Variants in ROCK1 observed in about 807,000 individuals in gnomAD.
ROCK1 encodes the protein Rho associated coiled-coil containing protein kinase 1.
Under a neutral mutation model 196.8 loss-of-function variants are expected in ROCK1, and 36 were observed. The ratio of observed to expected loss-of-function variants is 0.18; its 90% CI spans 0.14 to 0.24. The LOEUF (loss-of-function observed/expected upper bound fraction) is 0.24, where lower values mean the gene tolerates loss of function less well. Among genes scored for constraint, ROCK1 ranks in the 10% least tolerant of loss-of-function variants. The probability of loss-of-function intolerance (pLI) is 1.00; values close to 1 mark genes in which losing one functional copy is unlikely to be tolerated. For synonymous variants in ROCK1, 443 were observed against 515.9 expected (o/e 0.86, Z 1.91); for missense variants, 920 against 1,562.0 (o/e 0.59, Z 6.93).
At chr18:21,098,814 T>C (rs1482477367) in intron 1 of ROCK1, among the ~76,000 whole-genome samples, 4 of 152,040 alleles carry the variant, frequency 2.6e-5, no homozygotes, top group East Asian at 1.9e-4. Context: ...ACCTTACTCA[T>C]GAGAAGAACA....
chr18:20,964,835 A>G (rs1445168975), intron 27 of ROCK1, among the ~76,000 whole-genome samples: 1 of 152,346 alleles, frequency 6.6e-6, no homozygotes, highest in East Asian at 1.9e-4. Flanking sequence ...CTGCCAATGA[A>G]GCCAGCTGAT....
intron 9 of ROCK1, among the ~76,000 whole-genome samples, chr18:21,033,284 C>A (rs547076918): frequency 9.2e-5 from 14 of 152,140 alleles, no homozygotes; most frequent in Non-Finnish European, 1.8e-4. Flanking sequence ...ACACAACACC[C>A]CTTCATGATT....
chr18:20,970,520 C>T lies in ROCK1; in HGVS notation c.2655-7G>A. 2 of 1,582,206 alleles carry T rather than the reference C, an allele frequency of 1.3e-6. No individual in the cohort carries two copies. Among genetic ancestry groups the T allele is most frequent in the Non-Finnish European group, 1.7e-6 (2 of 1,159,700 alleles). On this transcript the variant is annotated splice_region_variant and splice_polypyrimidine_tract_variant and intron_variant, in intron 22 of 32. Coordinates refer to ENST00000399799, the MANE Select transcript of ROCK1 (RefSeq NM_005406.3). The stretch of plus-strand genomic sequence containing the variant: ...CTGAGTAGCAAGAGTTTCTCTGCAA[C>T]AATTTTTTAAGAGAAACTGATGTAA...
At chr18:20,973,364 G>A (rs1195146226) in intron 22 of ROCK1, among the ~76,000 whole-genome samples, 3 of 151,590 alleles carry the variant, frequency 2.0e-5, no homozygotes, top group African/African-American at 4.8e-5. Flanking sequence ...TGCAATCTTC[G>A]CCTCCCAGGT....
chr18:20,987,055 C>T lies in ROCK1; in HGVS notation c.2199G>A (p.Arg733=), dbSNP rs201216081. Residue 733 remains arginine (R), a synonymous_variant, in exon 19 of 33, where the codon CGG becomes CGA. Transcript: ENST00000399799. The part of the protein sequence containing the change: ...EREAREKAEN[R]VVQIEKQCSM... The stretch of plus-strand genomic sequence containing the variant: ...AACACTGTTTCTCAATCTGAACAAC[C>T]CGATTTTCAGCCTTCTCTCGAGCTT... 1.2e-6 allele frequency: 2 copies of T among 1,612,972 alleles called. No homozygotes were observed. The highest frequency in any genetic ancestry group is 2.7e-5 in the African/African-American group (2 of 74,960).
intron 10 of ROCK1, among the ~76,000 whole-genome samples, chr18:21,028,263 A>G (rs906536459): frequency 2.6e-5 from 4 of 151,414 alleles, no homozygotes; most frequent in African/African-American, 9.7e-5. Flanking sequence ...TAAAAATACA[A>G]AAATTAGCTG....
Position 20,985,707 on chromosome 18 carries a change from CTGAA to C in ROCK1, c.2305-1176_2305-1173del, listed in dbSNP as rs2035572517. Among the ~76,000 whole-genome samples, 4 of 152,242 alleles carry C rather than the reference CTGAA, an allele frequency of 2.6e-5. No homozygotes were observed. In the South Asian group the frequency reaches 8.3e-4, roughly 32 times the overall value. ...GTCAAAAATTATGTTTTTTAAATGA[CTGAA>C]TATTATCTTTCAAATTTTGAACATA... is the stretch of plus-strand genomic sequence containing the variant. On this transcript the variant is annotated intron_variant, in intron 19 of 32. Transcript: ENST00000399799.
At chr18:21,094,386 T>G (rs1322535978) in intron 1 of ROCK1, among the ~76,000 whole-genome samples, 1 of 152,084 alleles carries the variant, frequency 6.6e-6, no homozygotes, top group Non-Finnish European at 1.5e-5. Context: ...CTAGAATATA[T>G]AAGGAGCTCA....
chr18:21,016,687 G>GT (rs2035865597), intron 12 of ROCK1, among the ~76,000 whole-genome samples: 1 of 152,020 alleles, frequency 6.6e-6, no homozygotes, highest in Non-Finnish European at 1.5e-5. Context: ...GAGTCCCTAA[G>GT]TAAATGACAA....
intron 4 of ROCK1, among the ~76,000 whole-genome samples, chr18:21,046,216 G>A (rs561428085): frequency 1.3e-5 from 2 of 152,194 alleles, no homozygotes; most frequent in Non-Finnish European, 2.9e-5. Context: ...GGCCTCAGCT[G>A]TTTCTTATTA....
intron 16 of ROCK1, among the ~76,000 whole-genome samples, chr18:21,001,721 T>C (rs999081260): frequency 7.3e-5 from 11 of 150,838 alleles, no homozygotes; most frequent in African/African-American, 2.7e-4. Context: ...GCCGAGATCA[T>C]GCCACTGCAC....
At chr18:20,958,866 ATATAT>A (rs1380555473) in intron 29 of ROCK1, among the ~76,000 whole-genome samples, 2 of 118,298 alleles carry the variant, frequency 1.7e-5, no homozygotes, top group African/African-American at 6.8e-5. Flanking sequence ...TATAAAATAT[ATATAT>A]TATATATATA....
chr18:21,087,034 C>T (rs565263384), intron 1 of ROCK1, among the ~76,000 whole-genome samples: 80 of 152,090 alleles, frequency 5.3e-4, no homozygotes, highest in African/African-American at 1.8e-3. Flanking sequence ...GAATATATTA[C>T]GAACAAGGGT....
chr18:21,094,943 G>C (rs187342753), intron 1 of ROCK1, among the ~76,000 whole-genome samples: 24 of 151,076 alleles, frequency 1.6e-4, no homozygotes, highest in African/African-American at 5.8e-4. Context: ...CCAGCTACTC[G>C]GGAAGCTGAA....
At chr18:21,108,381 C>T (rs535720112) in intron 1 of ROCK1, among the ~76,000 whole-genome samples, 2 of 152,298 alleles carry the variant, frequency 1.3e-5, no homozygotes, top group South Asian at 2.1e-4. Context: ...ACCATTATAT[C>T]AACTTGCACC....
intron 25 of ROCK1, 143 bp downstream of exon 25, chr18:20,968,629 G>A (rs1410254027): frequency 1.3e-5 from 8 of 601,126 alleles, no homozygotes; most frequent in Middle Eastern, 6.0e-4. Context: ...TCACAAATAA[G>A]TTTTTTATAG....
In ROCK1 at chr18:20,950,394, C is replaced by A. The variant is rs2035174573; in HGVS notation, c.*990G>T. The A allele has an allele frequency of 6.6e-6, 1 of 152,524 alleles. No homozygotes were observed. The highest frequency in any genetic ancestry group is 1.5e-5 in the Non-Finnish European group (1 of 68,006). The allele number at this position is 152,524 out of a possible 1,614,324, so 9.4% of individuals were successfully genotyped here. On this transcript the variant is annotated 3_prime_UTR_variant, in exon 33 of 33. Transcript: ENST00000399799. ...TGACACACATAATTTTTTGAAAATA[C>A]ATTTTTTGAAATTTCTATACTTACT...
intron 5 of ROCK1, 37 bp downstream of exon 5, chr18:21,045,255 C>A (rs987483742): frequency 1.3e-6 from 2 of 1,527,954 alleles, no homozygotes; most frequent in African/African-American, 1.4e-5. Context: ...CTATTTCCCT[C>A]AACAAATGAG....
In ROCK1 at chr18:21,023,738, G is replaced by T; in HGVS notation, c.1212-58C>A. 3 of 916,276 alleles carry T rather than the reference G, an allele frequency of 3.3e-6. No homozygotes were observed. The South Asian group carries it at 4.9e-5, about 15-fold the overall frequency. The allele number at this position is 916,276 out of a possible 1,614,324, so 56.8% of individuals were successfully genotyped here. ...AACAAAAAACTCTGTAATATCCCAT[G>T]ACAACCAATAATAAATACTACACGC... On this transcript the variant is annotated intron_variant, in intron 10 of 32. Coordinates refer to ENST00000399799, the MANE Select transcript of ROCK1 (RefSeq NM_005406.3).
Sources: gnomAD v4.1 joint callset for allele counts (sites outside exome capture counted in the v4.1 genomes callset) on GRCh38, gnomAD v4.1.1 for gene constraint, MANE v1.5 for transcripts, NCBI Gene and HGNC (gene_info 2026-07-23, HGNC 2026-07-21) for gene names.